Variants in OR1L6 observed in about 807,000 individuals in gnomAD.
The protein encoded by OR1L6 is olfactory receptor 1L6.
A neutral mutation model predicts 3.0 loss-of-function variants in OR1L6; 2 were observed. The ratio of observed to expected loss-of-function variants is 0.68; its 90% CI spans 0.28 to 2.13. OR1L6 has a LOEUF of 2.13. Ranked by LOEUF, OR1L6 falls within the 30% of genes most tolerant of loss-of-function variation. The pLI is 0.14. For missense variants in OR1L6, 304 were observed against 378.4 expected (o/e 0.80, Z 1.63); for synonymous variants, 121 against 148.4 (o/e 0.82, Z 1.34).
At position 122,750,132 on chromosome 9, in the gene OR1L6, T is replaced by C. The variant is rs1388920542; in HGVS notation, c.285T>C (p.Tyr95=). ...TATCAGAGACAAAGGTTATCTCCTA[T>C]GTGGGCTGCCTGGCCCAGATGTACT... The part of the protein sequence containing the change: ...NFLSETKVIS[Y]VGCLAQMYFF... The change falls in exon 2 of 2, where the codon TAT becomes TAC. Residue 95 remains tyrosine (Y), a synonymous_variant. Transcript: ENST00000304720. 2.5e-6 allele frequency: 4 copies of C among 1,613,580 alleles called. No homozygotes were observed. Among genetic ancestry groups the C allele is most frequent in the South Asian group, 1.1e-5 (1 of 91,064 alleles).
rs71892392 is a variant in OR1L6, at chr9:122,745,408, C to CTTTTTT, written c.-14+3048_-14+3053dup. 5.0e-4 allele frequency among the ~76,000 whole-genome samples: 44 copies of CTTTTTT among 87,692 alleles called. 9 individuals carry two copies. Among genetic ancestry groups the CTTTTTT allele is most frequent in the East Asian group, 7.3e-4 (2 of 2,732 alleles). 57.5% of individuals were successfully genotyped at this position (87,692 alleles called of 152,430 possible). A position where few individuals can be genotyped will look rare whatever the true frequency, so the allele number is the denominator to read the frequency against. ...ACGAAATGACTATAAATAAACACAC[C>CTTTTTT]TTTTTTTTTTTTTTTTTTATTTGAG... On this transcript the variant is annotated intron_variant, in intron 1 of 1. Coordinates refer to ENST00000304720, the MANE Select transcript of OR1L6 (RefSeq NM_001004453.3).
Position 122,750,048 on chromosome 9 carries a change from G to A in OR1L6, c.201G>A (p.Leu67=), listed in dbSNP as rs1204281104. 1.2e-6 allele frequency: 2 copies of A among 1,614,118 alleles called. No homozygotes were observed. Among genetic ancestry groups the A allele is most frequent in the South Asian group, 2.2e-5 (2 of 91,074 alleles). Reference sequence around the variant, plus strand: ...CTATGTACTTTTTTCTCAGCAACTTGTCTTTCATGGATATCTGCTTCACAA... The same window carrying A: ...CTATGTACTTTTTTCTCAGCAACTTATCTTTCATGGATATCTGCTTCACAA... The part of the protein sequence containing the change: ...HTPMYFFLSN[L]SFMDICFTTV... Residue 67 remains leucine, a synonymous_variant, in exon 2 of 2, where the codon TTG becomes TTA. Coordinates refer to ENST00000304720, the MANE Select transcript of OR1L6 (RefSeq NM_001004453.3).
At chr9:122,747,105 G>GT (rs1828844551) in intron 1 of OR1L6, among the ~76,000 whole-genome samples, 1 of 151,956 alleles carries the variant, frequency 6.6e-6, no homozygotes, top group Non-Finnish European at 1.5e-5. Flanking sequence ...CTATGTGTGG[G>GT]TTAGATAGAA....
At chr9:122,746,835 C>T (rs1228049207) in intron 1 of OR1L6, among the ~76,000 whole-genome samples, 3 of 152,120 alleles carry the variant, frequency 2.0e-5, no homozygotes, top group Non-Finnish European at 4.4e-5. Flanking sequence ...TCTTGTCATA[C>T]ATTTTATTTG....
chr9:122,749,597 A>C, intron 1 of OR1L6: 1 of 535,258 alleles, frequency 1.9e-6, no homozygotes, highest in East Asian at 3.3e-5. Flanking sequence ...AGTCCCAGCT[A>C]CTCGGGAGGC....
At chr9:122,749,718 A>G in intron 1 of OR1L6, 117 bp from the exon 2 acceptor site, 3 of 1,016,952 alleles carry the variant, frequency 2.9e-6, no homozygotes, top group East Asian at 2.4e-5. Flanking sequence ...AAAGAAAAAA[A>G]AAACAACCGT....
rs111863757 is a variant in OR1L6, at chr9:122,742,332, A to T, written c.-55A>T. The T allele has an allele frequency of 2.0e-5, 3 of 152,284 alleles. No homozygotes were observed. Among genetic ancestry groups the T allele is most frequent in the African/African-American group, 7.2e-5 (3 of 41,558 alleles). The allele number at this position is 152,284 out of a possible 1,614,324, so 9.4% of individuals were successfully genotyped here. A position where few individuals can be genotyped will look rare whatever the true frequency, so the allele number is the denominator to read the frequency against. ...GATCTTAACCCCATGGCAGATCCCGAAGTCTTTTTAGGCCCCTGAATCTCC... is the reference window on the plus strand; with the variant it reads ...GATCTTAACCCCATGGCAGATCCCGTAGTCTTTTTAGGCCCCTGAATCTCC... On this transcript the variant is annotated 5_prime_UTR_variant, in exon 1 of 2. Coordinates refer to ENST00000304720, the MANE Select transcript of OR1L6 (RefSeq NM_001004453.3).
In OR1L6 at chr9:122,750,582, C is replaced by T. The variant is rs150308775; in HGVS notation, c.735C>T (p.His245=). Residue 245 remains histidine (H), a synonymous_variant, in exon 2 of 2, where the codon CAC becomes CAT. Coordinates refer to ENST00000304720, the MANE Select transcript of OR1L6 (RefSeq NM_001004453.3). ...AGGCCTTCTCTACCTGTGGCTCCCACCTCACTGCAGTAGCCCTTTTCTATG... is the reference window on the plus strand; with the variant it reads ...AGGCCTTCTCTACCTGTGGCTCCCATCTCACTGCAGTAGCCCTTTTCTATG... ...KWKAFSTCGS[H]LTAVALFYGS... 3.1e-6 allele frequency: 5 copies of T among 1,613,926 alleles called. No individual in the cohort carries two copies. The highest frequency in any genetic ancestry group is 4.2e-6 in the Non-Finnish European group (5 of 1,179,996).
chr9:122,749,802 A>G (rs989415941), intron 1 of OR1L6, 33 bp from the exon 2 acceptor site: 3 of 1,601,104 alleles, frequency 1.9e-6, no homozygotes, highest in Non-Finnish European at 1.7e-6. Context: ...TGCCCTTTAC[A>G]TCTCTCCCAC....
At chr9:122,745,540 G>C (rs1337548577) in intron 1 of OR1L6, among the ~76,000 whole-genome samples, 1 of 150,066 alleles carries the variant, frequency 6.7e-6, no homozygotes, top group Non-Finnish European at 1.5e-5. Context: ...AGCCTCCCGA[G>C]TAGCTGGGAC....
intron 1 of OR1L6, 79 bp downstream of exon 1, chr9:122,742,452 C>T (rs904740276): frequency 2.6e-4 from 39 of 152,202 alleles, no homozygotes; most frequent in African/African-American, 9.2e-4. Flanking sequence ...TTTCCTTATC[C>T]TGTTTTTCTC....
At chr9:122,749,631 C>G in intron 1 of OR1L6, 1 of 622,094 alleles carries the variant, frequency 1.6e-6, no homozygotes, top group Non-Finnish European at 2.9e-6. Flanking sequence ...TGGCATGAAC[C>G]CGAGAGGCGG....
At position 122,750,135 on chromosome 9, in the gene OR1L6, G is replaced by A; in HGVS notation, c.288G>A (p.Val96=). 6.2e-7 allele frequency: 1 copy of A among 1,613,452 alleles called. No homozygotes were observed. The highest frequency in any genetic ancestry group is 8.5e-7 in the Non-Finnish European group (1 of 1,179,556). ...FLSETKVISY[V]GCLAQMYFFM... is the part of the protein sequence containing the mutation. ...CAGAGACAAAGGTTATCTCCTATGT[G>A]GGCTGCCTGGCCCAGATGTACTTCT... is the stretch of plus-strand genomic sequence containing the variant. Residue 96 remains valine, a synonymous_variant, in exon 2 of 2, where the codon GTG becomes GTA. Coordinates refer to ENST00000304720, the MANE Select transcript of OR1L6 (RefSeq NM_001004453.3).
rs371849986 is a variant in OR1L6 at position 122,750,068 on chromosome 9, T to G, written c.221T>G (p.Phe74Cys). 4 of 1,614,156 alleles carry G rather than the reference T, an allele frequency of 2.5e-6. No homozygotes were observed. Among genetic ancestry groups the G allele is most frequent in the African/African-American group, 1.3e-5 (1 of 75,064 alleles). The change falls in exon 2 of 2, where the codon TTC becomes TGC. Residue 74 changes from phenylalanine (F) to cysteine (C), a missense_variant. Phe to Cys is a radical substitution (Grantham distance 205). Around this residue, in one of 3 missense-constraint regions of OR1L6, gnomAD observed 192 missense variants for 242.7 expected, o/e 0.79. Coordinates refer to ENST00000304720, the MANE Select transcript of OR1L6 (RefSeq NM_001004453.3). ...LSNLSFMDICFTTVIVPKMLV... is the reference protein window; with the variant it reads ...LSNLSFMDICCTTVIVPKMLV... ...AACTTGTCTTTCATGGATATCTGCTTCACAACAGTCATAGTGCCTAAGATG... is the reference window on the plus strand; with the variant it reads ...AACTTGTCTTTCATGGATATCTGCTGCACAACAGTCATAGTGCCTAAGATG...
chr9:122,747,412 C>T (rs992163139), intron 1 of OR1L6, among the ~76,000 whole-genome samples: 5 of 151,942 alleles, frequency 3.3e-5, no homozygotes, highest in Non-Finnish European at 5.9e-5. Context: ...ATTATTTCAT[C>T]TGTTCTTAGC....
chr9:122,749,248 T>A (rs1828865756), intron 1 of OR1L6, among the ~76,000 whole-genome samples: 1 of 152,196 alleles, frequency 6.6e-6, no homozygotes, highest in Non-Finnish European at 1.5e-5. Context: ...GCTCTTTGGG[T>A]TCCACATGAA....
chr9:122,747,355 G>T (rs967929738), intron 1 of OR1L6, among the ~76,000 whole-genome samples: 1 of 151,846 alleles, frequency 6.6e-6, no homozygotes, highest in African/African-American at 2.4e-5. Flanking sequence ...TATGTAATTT[G>T]ATTGGGGTTA....
intron 1 of OR1L6, among the ~76,000 whole-genome samples, chr9:122,745,489 T>C (rs546381387): frequency 3.3e-4 from 44 of 133,952 alleles, no homozygotes; most frequent in African/African-American, 1.2e-3. Flanking sequence ...CTCGGCTCAC[T>C]GCAAGCTCCG....
At chr9:122,749,567 G>A (rs963361389) in intron 1 of OR1L6, among the ~76,000 whole-genome samples, 1 of 152,154 alleles carries the variant, frequency 6.6e-6, no homozygotes, top group African/African-American at 2.4e-5. Flanking sequence ...AATTAGCCGG[G>A]CGTGGTGGCG....
Sources: gnomAD v4.1 joint callset for allele counts (sites outside exome capture counted in the v4.1 genomes callset) on GRCh38, gnomAD v4.1.1 for gene constraint, gnomAD v4.1.1 regional missense constraint, MANE v1.5 for transcripts, NCBI Gene and HGNC (gene_info 2026-07-23, HGNC 2026-07-21) for gene names.